CPM: variants seen among roughly 807,000 people sequenced by gnomAD.
CPM encodes carboxypeptidase M, also known as renal carboxypeptidase.
In CPM, 35 loss-of-function variants were observed where a neutral mutation model predicts 46.4. The observed-to-expected ratio is 0.75, with a 90% CI of 0.58 to 1.00. The LOEUF is 1.00. CPM is among the 50% of genes least tolerant of loss of function. The probability of loss-of-function intolerance (pLI) is 0.00; values close to 1 mark genes in which losing one functional copy is unlikely to be tolerated. For missense variants in CPM, 422 were observed against 530.4 expected, an observed-to-expected ratio of 0.80 and a Z score of 2.01; for synonymous variants, 195 against 195.3, an observed-to-expected ratio of 1.00 and a Z score of 0.01.
At chr12:68,915,608 TA>T (rs1887772292) in intron 2 of CPM, among the ~76,000 whole-genome samples, 1 of 152,224 alleles carries the variant, frequency 6.6e-6, no homozygotes, top group Admixed American at 6.5e-5. Context: ...CTGTTGACTG[TA>T]ACGAACAAAG....
intron 1 of CPM, among the ~76,000 whole-genome samples, chr12:68,943,547 A>G (rs938902241): frequency 2.6e-5 from 4 of 152,196 alleles, no homozygotes; most frequent in Admixed American, 6.5e-5. Flanking sequence ...ATTTGTGATA[A>G]TTTACAATTA....
At chr12:68,901,960 C>T (rs1304630540) in intron 2 of CPM, among the ~76,000 whole-genome samples, 1 of 152,092 alleles carries the variant, frequency 6.6e-6, no homozygotes, top group Non-Finnish European at 1.5e-5. Flanking sequence ...GTCACCCAGC[C>T]TGGGAATGCC....
intron 2 of CPM, among the ~76,000 whole-genome samples, chr12:68,892,313 A>G (rs189522707): frequency 1.3e-5 from 2 of 152,168 alleles, no homozygotes; most frequent in Admixed American, 1.3e-4. Context: ...CTCTGGGGAG[A>G]ACTGGAAATG....
chr12:68,929,307 G>A (rs1888406747), intron 2 of CPM, among the ~76,000 whole-genome samples: 1 of 152,108 alleles, frequency 6.6e-6, no homozygotes, highest in Non-Finnish European at 1.5e-5. Context: ...GCAAATATTT[G>A]ATCCATTAAA....
At chr12:68,915,033 C>T (rs1887748131) in intron 2 of CPM, among the ~76,000 whole-genome samples, 2 of 152,148 alleles carry the variant, frequency 1.3e-5, no homozygotes, top group South Asian at 4.2e-4. Flanking sequence ...TTACTGATCC[C>T]CAAATACCTC....
intron 1 of CPM, among the ~76,000 whole-genome samples, chr12:68,952,164 C>T (rs186256402): frequency 1.3e-5 from 2 of 152,282 alleles, no homozygotes; most frequent in Admixed American, 6.5e-5. Context: ...TGAGGGAAAG[C>T]CTATCTTATT....
At chr12:68,886,492 C>T (rs55826463) in intron 2 of CPM, among the ~76,000 whole-genome samples, 15,009 of 151,962 alleles carry the variant, frequency 0.099, 845 homozygotes, top group Middle Eastern at 0.19. Context: ...ATTAGCCGGG[C>T]GTGGTGGCGG....
chr12:68,892,259 T>G (rs1886686478), intron 2 of CPM, among the ~76,000 whole-genome samples: 1 of 152,166 alleles, frequency 6.6e-6, no homozygotes, highest in Admixed American at 6.5e-5. Flanking sequence ...GAAGCAAGCT[T>G]GCTGTGTACT....
At chr12:68,900,267 T>C (rs1887058698) in intron 2 of CPM, among the ~76,000 whole-genome samples, 1 of 152,188 alleles carries the variant, frequency 6.6e-6, no homozygotes, top group Non-Finnish European at 1.5e-5. Flanking sequence ...CAAATAAGCA[T>C]ATGAAAAGAT....
In CPM at chr12:68,943,869, T is replaced by G. The variant is rs184729383; in HGVS notation, c.-3-11029A>C. The stretch of plus-strand genomic sequence containing the variant: ...AATGTCGAGAAAACCATTTCTGGAT[T>G]TTTTTTTTTTTAAAAACTGTATATT... On this transcript the variant is annotated intron_variant, in intron 1 of 8. Coordinates refer to the CPM transcript ENST00000546373. Among the ~76,000 whole-genome samples, 65 of 145,266 alleles carry G rather than the reference T, an allele frequency of 4.5e-4. No individual in the cohort carries two copies. The South Asian group carries it at 6.5e-3, about 15-fold the overall frequency.
rs1310115438 is a variant in CPM at position 68,951,458 on chromosome 12, G to C, written c.-4+11711C>G. On this transcript the variant is annotated intron_variant, in intron 1 of 8. Coordinates refer to the CPM transcript ENST00000546373. Reference sequence around the variant, plus strand: ...AGGATGGGAGGACTAGCTTCATCTTGGTGGTGAGTAGGGGAGAGGAGTATG... The same window carrying C: ...AGGATGGGAGGACTAGCTTCATCTTCGTGGTGAGTAGGGGAGAGGAGTATG... Among the ~76,000 whole-genome samples the C allele has an allele frequency of 2.0e-5, 3 of 152,140 alleles. No homozygotes were observed. The East Asian group carries it at 5.8e-4, about 29-fold the overall frequency.
At chr12:68,943,022 T>C (rs1888789219) in intron 1 of CPM, among the ~76,000 whole-genome samples, 1 of 152,212 alleles carries the variant, frequency 6.6e-6, no homozygotes, top group Non-Finnish European at 1.5e-5. Context: ...GTTTCCCCCA[T>C]GGCATCTAGG....
intron 2 of CPM, among the ~76,000 whole-genome samples, chr12:68,923,292 A>AG (rs1468851073): frequency 6.6e-6 from 1 of 151,742 alleles, no homozygotes; most frequent in Non-Finnish European, 1.5e-5. Flanking sequence ...TCTTAGAGAA[A>AG]GGGGTGTTCT....
intron 3 of CPM, among the ~76,000 whole-genome samples, chr12:68,882,033 T>G (rs1237698813): frequency 2.6e-5 from 4 of 151,250 alleles, no homozygotes; most frequent in African/African-American, 7.3e-5. Flanking sequence ...GCTTTTTTTT[T>G]TTTTTTTTTT....
upstream of CPM, among the ~76,000 whole-genome samples, chr12:68,936,072 A>G (rs546560390): frequency 4.3e-4 from 66 of 152,256 alleles, no homozygotes; most frequent in African/African-American, 1.4e-3. Flanking sequence ...GAATGGAGGT[A>G]GGGGGTACAG....
chr12:68,951,382 GAGTGTGGTAAGTAC>G (rs968078919), intron 1 of CPM, among the ~76,000 whole-genome samples: 2 of 152,176 alleles, frequency 1.3e-5, no homozygotes, highest in African/African-American at 4.8e-5. Context: ...AAGTTAACTA[GAGTGTGGTAAGTAC>G]AGTGTGGTAA....
chr12:68,859,549 A>G (rs1355023914), intron 7 of CPM, among the ~76,000 whole-genome samples: 3 of 152,250 alleles, frequency 2.0e-5, no homozygotes, highest in Non-Finnish European at 4.4e-5. Flanking sequence ...GCTTCTTGGA[A>G]GCATGGAATC....
At chr12:68,874,163 C>G (rs75211003) in intron 3 of CPM, among the ~76,000 whole-genome samples, 7,687 of 152,040 alleles carry the variant, frequency 0.051, 654 homozygotes, top group African/African-American at 0.18. Flanking sequence ...AGCTAATAAC[C>G]AAAAAAGTCA....
intron 1 of CPM, among the ~76,000 whole-genome samples, chr12:68,939,110 AC>A (rs1888720129): frequency 6.8e-6 from 1 of 146,100 alleles, no homozygotes; most frequent in African/African-American, 2.5e-5. Context: ...ATATACATTT[AC>A]TACATACATA....
Sources: allele counts gnomAD v4.1 joint callset (sites outside exome capture counted in the v4.1 genomes callset), GRCh38; gene constraint gnomAD v4.1.1; transcripts MANE v1.5; gene names NCBI Gene and HGNC (gene_info 2026-07-23, HGNC 2026-07-21).